Variants in EPHA3 observed in about 807,000 individuals in gnomAD.
The protein encoded by EPHA3 is ephrin type-A receptor 3.
A neutral mutation model predicts 107.1 loss-of-function variants in EPHA3; 42 were observed. That is an observed-to-expected ratio of 0.39 (90% CI 0.31 to 0.51). The LOEUF is 0.51. Among genes scored for constraint, EPHA3 ranks in the 20% least tolerant of loss-of-function variants. The pLI, the probability that EPHA3 is intolerant of heterozygous loss-of-function variation, is 0.78. For missense variants in EPHA3, 1,183 were observed against 1,211.2 expected (o/e 0.98, Z 0.35); for synonymous variants, 461 against 424.8 (o/e 1.09, Z -1.05).
At chr3:89,166,893 G>A (rs1705084494) in intron 2 of EPHA3, among the ~76,000 whole-genome samples, 1 of 152,152 alleles carries the variant, frequency 6.6e-6, no homozygotes, top group Non-Finnish European at 1.5e-5. Flanking sequence ...AACCCAGCAA[G>A]TATGATGTAT....
chr3:89,249,014 A>G (rs1705101067), intron 3 of EPHA3, among the ~76,000 whole-genome samples: 1 of 152,158 alleles, frequency 6.6e-6, no homozygotes, highest in Non-Finnish European at 1.5e-5. Flanking sequence ...TCTATTTGCA[A>G]TCTCCTTTTC....
At chr3:89,177,036 G>A (rs1280850962) in intron 2 of EPHA3, among the ~76,000 whole-genome samples, 2 of 151,630 alleles carry the variant, frequency 1.3e-5, no homozygotes, top group Non-Finnish European at 2.9e-5. Context: ...AAAACCAAAC[G>A]CTTACTTATA....
At chr3:89,358,551 T>A (rs1029076367) in intron 5 of EPHA3, among the ~76,000 whole-genome samples, 1 of 150,982 alleles carries the variant, frequency 6.6e-6, no homozygotes, top group Non-Finnish European at 1.5e-5. Flanking sequence ...ATCTTAAAGG[T>A]TTCATGAATA....
chr3:89,225,171 T>A (rs1704474596), intron 3 of EPHA3, among the ~76,000 whole-genome samples: 1 of 152,178 alleles, frequency 6.6e-6, no homozygotes, highest in African/African-American at 2.4e-5. Flanking sequence ...TATTTGCTAT[T>A]ATTTATTCAC....
At chr3:89,440,671 T>C (rs1163708634) in intron 13 of EPHA3, among the ~76,000 whole-genome samples, 1 of 152,222 alleles carries the variant, frequency 6.6e-6, no homozygotes, top group Non-Finnish European at 1.5e-5. Context: ...TACCGTGTGA[T>C]TCCTCATCTA....
chr3:89,123,445 A>G (rs1326006816), intron 1 of EPHA3, among the ~76,000 whole-genome samples: 1 of 152,104 alleles, frequency 6.6e-6, no homozygotes, highest in Non-Finnish European at 1.5e-5. Context: ...GCCCGCCACT[A>G]TACTTTGTTT....
chr3:89,441,491 A>G (rs1210109250), intron 13 of EPHA3, among the ~76,000 whole-genome samples: 5 of 152,220 alleles, frequency 3.3e-5, no homozygotes, highest in African/African-American at 4.8e-5. Flanking sequence ...ATGTTTAAAT[A>G]TGGTTAAAAA....
chr3:89,415,809 G>GAT (rs906706463), intron 10 of EPHA3, among the ~76,000 whole-genome samples: 6 of 151,250 alleles, frequency 4.0e-5, no homozygotes, highest in Non-Finnish European at 8.9e-5. Context: ...ATCCTTTTTA[G>GAT]ATAGGTATTA....
At chr3:89,198,391 A>G (rs1327178127) in intron 2 of EPHA3, among the ~76,000 whole-genome samples, 2 of 151,424 alleles carry the variant, frequency 1.3e-5, no homozygotes, top group Non-Finnish European at 2.9e-5. Context: ...AAATTAAATC[A>G]TACTCTATTG....
rs187501640 is a variant in EPHA3, at chr3:89,425,229, C to A, written c.2075-3877C>A. ...ACCCACAAAAAAAAATACCCTAACT[C>A]AGCTCAATATTTCATTTCAATATTT... On this transcript the variant is annotated intron_variant, in intron 11 of 16. Transcript: ENST00000336596. 2.7e-5 allele frequency among the ~76,000 whole-genome samples: 4 copies of A among 150,538 alleles called. No homozygotes were observed. In the East Asian group the frequency reaches 5.8e-4, roughly 22 times the overall value.
At chr3:89,263,480 C>T (rs1705469197) in intron 3 of EPHA3, among the ~76,000 whole-genome samples, 1 of 152,024 alleles carries the variant, frequency 6.6e-6, no homozygotes, top group African/African-American at 2.4e-5. Flanking sequence ...ATGGTAAATG[C>T]GGGGGATTTT....
At chr3:89,111,805 TCA>T (rs1707117136) in intron 1 of EPHA3, among the ~76,000 whole-genome samples, 1 of 152,118 alleles carries the variant, frequency 6.6e-6, no homozygotes, top group African/African-American at 2.4e-5. Flanking sequence ...GTGAAAAGGT[TCA>T]CTCGGATACC....
chr3:89,437,655 G>A (rs1559696350), intron 13 of EPHA3, among the ~76,000 whole-genome samples: 1 of 152,016 alleles, frequency 6.6e-6, no homozygotes. Context: ...ATGCATTCAT[G>A]CATCTATATA....
intron 11 of EPHA3, 46 bp from the exon 12 acceptor site, chr3:89,429,060 T>C: frequency 7.5e-7 from 1 of 1,329,170 alleles, no homozygotes; most frequent in Non-Finnish European, 1.1e-6. Context: ...CATTGTATAA[T>C]ACTTGAACTG....
intron 10 of EPHA3, among the ~76,000 whole-genome samples, chr3:89,417,702 T>C (rs1576367849): frequency 6.6e-6 from 1 of 151,536 alleles, no homozygotes; most frequent in Admixed American, 6.6e-5. Flanking sequence ...AGGAACACTA[T>C]AGCTGTAGAT....
intron 5 of EPHA3, among the ~76,000 whole-genome samples, chr3:89,347,791 C>T (rs1380165154): frequency 6.6e-6 from 1 of 150,838 alleles, no homozygotes; most frequent in Middle Eastern, 3.4e-3. Flanking sequence ...TACGTCCCAT[C>T]AATACCTAAT....
intron 3 of EPHA3, among the ~76,000 whole-genome samples, chr3:89,259,976 AT>A (rs1460328615): frequency 8.5e-5 from 13 of 152,158 alleles, no homozygotes; most frequent in African/African-American, 3.1e-4. Context: ...CTCCTTCCAC[AT>A]TGTCACAAAT....
At chr3:89,360,445 A>T (rs1007310327) in intron 5 of EPHA3, among the ~76,000 whole-genome samples, 1 of 151,082 alleles carries the variant, frequency 6.6e-6, no homozygotes, top group African/African-American at 2.4e-5. Context: ...ACTAAACCAC[A>T]GGCCATCCCA....
chr3:89,478,379 G>T (rs1710558833), intron 16 of EPHA3, among the ~76,000 whole-genome samples: 3 of 152,204 alleles, frequency 2.0e-5, no homozygotes, highest in Admixed American at 1.3e-4. Flanking sequence ...AGTGTTGTGG[G>T]TTATAAATGA....
Sources: allele counts gnomAD v4.1 joint callset (sites outside exome capture counted in the v4.1 genomes callset), GRCh38; gene constraint gnomAD v4.1.1; transcripts MANE v1.5; gene names NCBI Gene and HGNC (gene_info 2026-07-23, HGNC 2026-07-21).